Variants in TPM4 observed in about 807,000 individuals in gnomAD.
TPM4 encodes tropomyosin 4.
TPM4 carries 17 observed loss-of-function variants against 35.8 expected under a neutral mutation model. The ratio of observed to expected loss-of-function variants is 0.47; its 90% CI spans 0.32 to 0.71. The LOEUF (loss-of-function observed/expected upper bound fraction) is 0.71, where lower values mean the gene tolerates loss of function less well. Among genes scored for constraint, TPM4 ranks in the 30% least tolerant of loss-of-function variants. The pLI is 0.03. For missense variants in TPM4, 240 were observed against 320.9 expected (o/e 0.75, Z 1.93); for synonymous variants, 120 against 122.9 (o/e 0.98, Z 0.15).
intron 3 of TPM4, 140 bp from the exon 4 acceptor site, chr19:16,087,887 A>C: frequency 1.1e-6 from 1 of 888,380 alleles, no homozygotes; most frequent in Non-Finnish European, 1.8e-6. Context: ...TCCCCCTGCA[A>C]AAAAAAGAAA....
intron 2 of TPM4, 111 bp from the exon 3 acceptor site, chr19:16,086,312 T>C: frequency 1.0e-6 from 1 of 960,200 alleles, no homozygotes; most frequent in Non-Finnish European, 1.6e-6. Flanking sequence ...ATCGTGCCAC[T>C]GCACTCCAGC....
rs2090580182 is a variant in TPM4, at chr19:16,088,038, G to C, written c.396G>C (p.Lys132Asn). ...ADRKYEEVAR[K>N]LVILEGELER... ...TTCTGTCTCTGCAGGTAGCTCGTAA[G>C]CTGGTCATCCTGGAGGGTGAGCTGG... Residue 132 changes from lysine to asparagine, a missense_variant, in exon 4 of 8, where the codon AAG (lysine) becomes AAC (asparagine). Physicochemically the swap from Lys to Asn is moderately conservative, Grantham distance 94. Coordinates refer to ENST00000643579, the MANE Select transcript of TPM4 (RefSeq NM_003290.3). 1 of 1,611,814 alleles carries C rather than the reference G, an allele frequency of 6.2e-7. No individual in the cohort carries two copies. The highest frequency in any genetic ancestry group is 8.5e-7 in the Non-Finnish European group (1 of 1,179,384).
chr19:16,097,877 C>A (rs1402152679), intron 7 of TPM4, among the ~76,000 whole-genome samples: 1 of 152,124 alleles, frequency 6.6e-6, no homozygotes, highest in Non-Finnish European at 1.5e-5. Context: ...ATGCACCTCC[C>A]CTAAACCACC....
At chr19:16,097,239 C>G (rs1216910744) in intron 7 of TPM4, among the ~76,000 whole-genome samples, 1 of 151,548 alleles carries the variant, frequency 6.6e-6, no homozygotes, top group Non-Finnish European at 1.5e-5. Context: ...CAGGCGTGAG[C>G]CACTTTGCCC....
chr19:16,076,195 G>A (rs768378729), upstream of TPM4: 249 of 1,552,108 alleles, frequency 1.6e-4, no homozygotes, highest in Middle Eastern at 1.4e-3. Context: ...GGATGCGGGA[G>A]CCCGCGGCGG....
At chr19:16,072,735 T>C (rs1350847517), upstream of TPM4, among the ~76,000 whole-genome samples, 3 of 150,640 alleles carry the variant, frequency 2.0e-5, no homozygotes, top group Non-Finnish European at 1.5e-5. Flanking sequence ...GGCAAAACCC[T>C]GTCTCTACAA....
At chr19:16,077,654 C>G (rs1030763636) in intron 1 of TPM4, among the ~76,000 whole-genome samples, 1 of 152,166 alleles carries the variant, frequency 6.6e-6, no homozygotes, top group Non-Finnish European at 1.5e-5. Context: ...TTCCCATCTG[C>G]GAGTAGGACT....
At position 16,095,254 on chromosome 19, in the gene TPM4, C is replaced by T. The variant is rs569895667; in HGVS notation, c.664+1501C>T. The T allele has an allele frequency of 3.8e-5, 39 of 1,020,556 alleles. 1 individual carries two copies. The highest frequency in any genetic ancestry group is 3.2e-4 in the African/African-American group (19 of 58,514). 63.2% of individuals were successfully genotyped at this position (1,020,556 alleles called of 1,614,324 possible). A position where few individuals can be genotyped will look rare whatever the true frequency, so the allele number is the denominator to read the frequency against. On this transcript the variant is annotated intron_variant, in intron 7 of 7. Coordinates refer to ENST00000643579, the MANE Select transcript of TPM4 (RefSeq NM_003290.3). ...TCTGAACTGTCTCCCTGGGGACCTC[C>T]GCCCTCTAGATGAGTTATACGCTCA...
chr19:16,096,251 C>T (rs929302550), intron 7 of TPM4, among the ~76,000 whole-genome samples: 1 of 151,912 alleles, frequency 6.6e-6, no homozygotes, highest in African/African-American at 2.4e-5. Flanking sequence ...TTTGTAGAAG[C>T]GGGAGGGTTT....
rs1280972432 is a variant in TPM4 at position 16,067,982 on chromosome 19, A to G, written c.114+244A>G. On this transcript the variant is annotated intron_variant, in intron 2 of 2. Transcript: ENST00000589897. This position sits in a 1 kb window ranked among gnomAD's most constrained non-coding sequence, Gnocchi z 4.1. ...AACAAAGTGAGTTTGACAGAGAGAG[A>G]GTTGGCGGGGGAGGGAGAGTGAGAA... The G allele has an allele frequency of 4.1e-6, 2 of 492,684 alleles. No individual in the cohort carries two copies. The highest frequency in any genetic ancestry group is 7.2e-6 in the Non-Finnish European group (2 of 278,880). 30.5% of individuals were successfully genotyped at this position (492,684 alleles called of 1,614,324 possible). A position where few individuals can be genotyped will look rare whatever the true frequency, so the allele number is the denominator to read the frequency against.
chr19:16,073,177 C>CA (rs142415977), upstream of TPM4, among the ~76,000 whole-genome samples: 2,773 of 152,002 alleles, frequency 0.018, 102 homozygotes, highest in African/African-American at 0.064. Context: ...GATCCTATCT[C>CA]AAAAAAACAA....
chr19:16,090,414 G>A (rs893904160), intron 5 of TPM4, among the ~76,000 whole-genome samples: 1 of 150,980 alleles, frequency 6.6e-6, no homozygotes, highest in African/African-American at 2.4e-5. Flanking sequence ...CACCGTGCCT[G>A]GCTAATTTTT....
intron 2 of TPM4, among the ~76,000 whole-genome samples, chr19:16,083,940 T>A (rs1214430362): frequency 6.6e-6 from 1 of 152,032 alleles, no homozygotes; most frequent in Non-Finnish European, 1.5e-5. Flanking sequence ...AGCTAATTTT[T>A]TTTTGAGACA....
intron 1 of TPM4, among the ~76,000 whole-genome samples, chr19:16,079,564 G>A (rs2090456107): frequency 6.6e-6 from 1 of 152,164 alleles, no homozygotes; most frequent in Non-Finnish European, 1.5e-5. Context: ...CTGTGGGAGT[G>A]CCCTCTTTCT....
In TPM4 at chr19:16,093,561, A is replaced by G; in HGVS notation, c.557A>G (p.Glu186Gly). 1.2e-6 allele frequency: 2 copies of G among 1,614,130 alleles called. No homozygotes were observed. The highest frequency in any genetic ancestry group is 1.7e-5 in the Admixed American group (1 of 60,002). The change falls in exon 6 of 8, where the codon GAA becomes GGA. Residue 186 changes from glutamate to glycine, a missense_variant. Transcript: ENST00000643579. ...TATTCTGAAAAGGAGGACAAATATGAAGAAGAAATTAAACTTCTGTCTGAC... is the reference window on the plus strand; with the variant it reads ...TATTCTGAAAAGGAGGACAAATATGGAGAAGAAATTAAACTTCTGTCTGAC... ...EKYSEKEDKYEEEIKLLSDKL... is the reference protein window; with the variant it reads ...EKYSEKEDKYGEEIKLLSDKL...
upstream of TPM4, chr19:16,076,003 A>AT: frequency 1.4e-6 from 2 of 1,406,990 alleles, no homozygotes; most frequent in Admixed American, 4.4e-5. Flanking sequence ...CGGGGACGTG[A>AT]CCCCCCCCCC....
chr19:16,076,526 A>T lies in TPM4; in HGVS notation c.-40A>T. 7.1e-7 allele frequency: 1 copy of T among 1,403,942 alleles called. No homozygotes were observed. Among genetic ancestry groups the T allele is most frequent in the Non-Finnish European group, 9.2e-7 (1 of 1,083,280 alleles). 87.0% of individuals were successfully genotyped at this position (1,403,942 alleles called of 1,614,324 possible). ...CTCTCGCCGGAGCCGAGCCCAGCCG[A>T]GCGTCCGCCGCTGCCCGTGCGCCTC... On this transcript the variant is annotated 5_prime_UTR_variant, in exon 1 of 8. Transcript: ENST00000643579.
In TPM4 at chr19:16,101,898, T is replaced by C. The variant is rs1327512166; in HGVS notation, c.*552T>C. 4.4e-6 allele frequency: 1 copy of C among 226,252 alleles called. No homozygotes were observed. The highest frequency in any genetic ancestry group is 2.2e-5 in the African/African-American group (1 of 44,888). 14.0% of individuals were successfully genotyped at this position (226,252 alleles called of 1,614,324 possible). On this transcript the variant is annotated 3_prime_UTR_variant, in exon 8 of 8. Coordinates refer to ENST00000643579, the MANE Select transcript of TPM4 (RefSeq NM_003290.3). ...CACAGATAGATCAACCTAAGAATCC[T>C]GGCCCTTCTCCACTCTCCACCATGC...
upstream of TPM4, chr19:16,075,491 C>G (rs2090394636): frequency 1.3e-5 from 2 of 152,504 alleles, no homozygotes; most frequent in African/African-American, 4.8e-5. Context: ...GGTCTGAGCC[C>G]TTCAGCCCTT....
Sources: gnomAD v4.1 joint callset for allele counts (sites outside exome capture counted in the v4.1 genomes callset) on GRCh38, gnomAD v4.1.1 for gene constraint, Gnocchi (gnomAD v3.1) non-coding constraint, MANE v1.5 for transcripts, NCBI Gene and HGNC (gene_info 2026-07-23, HGNC 2026-07-21) for gene names.